PTPRQ: variants seen among roughly 807,000 people sequenced by gnomAD.
PTPRQ encodes the protein phosphatidylinositol phosphatase PTPRQ.
A neutral mutation model predicts 246.0 loss-of-function variants in PTPRQ; 199 were observed. That is an observed-to-expected ratio of 0.81 (90% CI 0.72 to 0.91). The LOEUF (loss-of-function observed/expected upper bound fraction) is 0.91. Among genes scored for constraint, PTPRQ ranks in the 40% least tolerant of loss-of-function variants. The probability of loss-of-function intolerance (pLI) is 0.00; values close to 1 mark genes in which losing one functional copy is unlikely to be tolerated. For missense variants in PTPRQ, 2,624 were observed against 2,528.4 expected (o/e 1.04, Z -0.81); for synonymous variants, 869 against 853.2 (o/e 1.02, Z -0.32).
At chr12:80,547,913 A>G (rs925786207) in intron 24 of PTPRQ, among the ~76,000 whole-genome samples, 3 of 152,156 alleles carry the variant, frequency 2.0e-5, no homozygotes, top group African/African-American at 7.2e-5. Flanking sequence ...TGATTGAGCT[A>G]GATTAGATGA....
chr12:80,464,145 A>G (rs1313678764), intron 6 of PTPRQ, among the ~76,000 whole-genome samples: 2 of 151,386 alleles, frequency 1.3e-5, no homozygotes, highest in Admixed American at 6.6e-5. Flanking sequence ...AGAGACACAC[A>G]TAGGCTCAAA....
intron 16 of PTPRQ, 79 bp from the exon 17 acceptor site, chr12:80,510,244 A>G: frequency 7.7e-7 from 1 of 1,301,362 alleles, no homozygotes; most frequent in Non-Finnish European, 9.9e-7. Flanking sequence ...GTTTATAATA[A>G]AAATTGTGTG....
chr12:80,669,472 A>G lies in PTPRQ; in HGVS notation c.6453+8A>G. ...GATCTGAAAATTGAAAGGGTAAAAA[A>G]AAAAGGGGGGGACGAGAGAACATGA... On this transcript the variant is annotated splice_region_variant and intron_variant, in intron 41 of 44. Transcript: ENST00000644991. 1 of 1,537,772 alleles carries G rather than the reference A, an allele frequency of 6.5e-7. No individual in the cohort carries two copies. The highest frequency in any genetic ancestry group is 8.8e-7 in the Non-Finnish European group (1 of 1,142,552).
intron 25 of PTPRQ, among the ~76,000 whole-genome samples, chr12:80,574,790 C>T (rs538644624): frequency 7.2e-5 from 11 of 152,212 alleles, no homozygotes; most frequent in Non-Finnish European, 1.2e-4. Context: ...TATTAATATA[C>T]GTGTGTATGT....
At chr12:80,549,994 C>G (rs1565780344) in intron 25 of PTPRQ, among the ~76,000 whole-genome samples, 1 of 151,980 alleles carries the variant, frequency 6.6e-6, no homozygotes, top group South Asian at 2.1e-4. Flanking sequence ...ATATAAAACC[C>G]CCACCTAATG....
rs772106302 is a variant in PTPRQ at position 80,549,669 on chromosome 12, G to C, written c.4220G>C (p.Arg1407Thr). The part of the protein sequence containing the change: ...LANTSYVFKV[R>T]ASTSAGEGDE... ...AATACCTCATATGTCTTTAAAGTAA[G>C]AGCTTCAACCTCAGCTGGTGAAGGT... The change falls in exon 25 of 45, where the codon AGA becomes ACA. Residue 1407 changes from arginine to threonine, a missense_variant. Coordinates refer to ENST00000644991, the MANE Select transcript of PTPRQ (RefSeq NM_001145026.2). 1.9e-6 allele frequency: 3 copies of C among 1,550,962 alleles called. No homozygotes were observed. The highest frequency in any genetic ancestry group is 2.6e-6 in the Non-Finnish European group (3 of 1,146,556).
chr12:80,622,868 T>G (rs1294708531), intron 33 of PTPRQ, among the ~76,000 whole-genome samples: 4 of 151,990 alleles, frequency 2.6e-5, no homozygotes, highest in Admixed American at 2.6e-4. Context: ...TAATATTTTA[T>G]AGTTAGTAAA....
chr12:80,591,714 C>T (rs1897808990), intron 26 of PTPRQ, among the ~76,000 whole-genome samples: 1 of 151,936 alleles, frequency 6.6e-6, no homozygotes, highest in Non-Finnish European at 1.5e-5. Flanking sequence ...AAATAAATGC[C>T]CAGAGAACAA....
At chr12:80,671,112 TA>T (rs989572063) in intron 42 of PTPRQ, among the ~76,000 whole-genome samples, 4 of 152,036 alleles carry the variant, frequency 2.6e-5, no homozygotes, top group African/African-American at 9.7e-5. Context: ...ACTTTTATTT[TA>T]AAAAACTCAA....
intron 35 of PTPRQ, 66 bp downstream of exon 35, chr12:80,635,139 A>G: frequency 2.0e-6 from 3 of 1,502,700 alleles, no homozygotes; most frequent in Non-Finnish European, 2.7e-6. Flanking sequence ...ATTCTGACCT[A>G]TGCTTGTTGG....
chr12:80,623,808 A>G (rs891144192), intron 33 of PTPRQ, among the ~76,000 whole-genome samples: 20 of 152,174 alleles, frequency 1.3e-4, no homozygotes, highest in African/African-American at 4.8e-4. Flanking sequence ...AAGTTGAGAC[A>G]TTCAGGGTAA....
At chr12:80,660,605 A>G (rs1250981124) in intron 39 of PTPRQ, among the ~76,000 whole-genome samples, 1 of 152,082 alleles carries the variant, frequency 6.6e-6, no homozygotes, top group Non-Finnish European at 1.5e-5. Flanking sequence ...GCTCGTCAAA[A>G]TTATCTCTCC....
intron 24 of PTPRQ, among the ~76,000 whole-genome samples, chr12:80,548,244 A>C (rs1039863989): frequency 6.6e-6 from 1 of 151,180 alleles, no homozygotes; most frequent in Non-Finnish European, 1.5e-5. Flanking sequence ...TCAATGGTTA[A>C]TTTTTTTTTG....
intron 14 of PTPRQ, among the ~76,000 whole-genome samples, chr12:80,505,780 C>T (rs1256540007): frequency 2.6e-5 from 4 of 151,830 alleles, no homozygotes; most frequent in African/African-American, 7.2e-5. Flanking sequence ...TTTTAGTAAA[C>T]GTATCATCTT....
intron 14 of PTPRQ, among the ~76,000 whole-genome samples, chr12:80,502,213 A>G (rs1894819579): frequency 6.6e-6 from 1 of 151,894 alleles, no homozygotes; most frequent in African/African-American, 2.4e-5. Flanking sequence ...GTTAAGGGAA[A>G]ATTTGAAGTC....
intron 17 of PTPRQ, among the ~76,000 whole-genome samples, chr12:80,514,402 A>ACACTCTCTCTCT (rs552667526): frequency 2.7e-5 from 3 of 113,022 alleles, no homozygotes; most frequent in Non-Finnish European, 1.8e-5. Flanking sequence ...ACACACACAC[A>ACACTCTCTCTCT]CTCTCTCTCT....
At chr12:80,454,612 A>G (rs937009326) in intron 3 of PTPRQ, 1 of 691,138 alleles carries the variant, frequency 1.4e-6, no homozygotes, top group South Asian at 1.5e-5. Context: ...TTTGTCATAT[A>G]TAGCTCTTAT....
chr12:80,539,128 C>A (rs1204996589), intron 19 of PTPRQ, among the ~76,000 whole-genome samples: 1 of 150,978 alleles, frequency 6.6e-6, no homozygotes, highest in Non-Finnish European at 1.5e-5. Flanking sequence ...TACATACATA[C>A]CCTAATACTT....
At chr12:80,646,367 A>ATAT (rs1397151216) in intron 35 of PTPRQ, among the ~76,000 whole-genome samples, 1 of 152,234 alleles carries the variant, frequency 6.6e-6, no homozygotes, top group Admixed American at 6.5e-5. Flanking sequence ...TAAAGGCATC[A>ATAT]TATTTTCTAA....
Sources: gnomAD v4.1 joint callset for allele counts (sites outside exome capture counted in the v4.1 genomes callset) on GRCh38, gnomAD v4.1.1 for gene constraint, MANE v1.5 for transcripts, NCBI Gene and HGNC (gene_info 2026-07-23, HGNC 2026-07-21) for gene names.